Variants in PTPRC observed in about 807,000 individuals in gnomAD.
PTPRC encodes the protein protein tyrosine phosphatase receptor type C, also known as receptor-type tyrosine-protein phosphatase C.
PTPRC carries 44 observed loss-of-function variants against 155.9 expected under a neutral mutation model. The ratio of observed to expected loss-of-function variants is 0.28; its 90% CI spans 0.22 to 0.36. The LOEUF (loss-of-function observed/expected upper bound fraction) is 0.36. Among genes scored for constraint, PTPRC ranks in the 10% least tolerant of loss-of-function variants. The probability of loss-of-function intolerance (pLI) is 1.00; values close to 1 mark genes in which losing one functional copy is unlikely to be tolerated. For missense variants in PTPRC, 1,401 were observed against 1,564.6 expected (o/e 0.90, Z 1.76); for synonymous variants, 525 against 533.1 (o/e 0.98, Z 0.21).
At chr1:198,712,908 A>G (rs1653385890) in intron 11 of PTPRC, 45 bp from the exon 12 acceptor site, 1 of 1,562,064 alleles carries the variant, frequency 6.4e-7, no homozygotes, top group Non-Finnish European at 8.8e-7. Context: ...TGCTTTATCC[A>G]TGTCTTATTT....
intron 12 of PTPRC, among the ~76,000 whole-genome samples, chr1:198,713,865 C>A (rs564472111): frequency 6.6e-6 from 1 of 152,132 alleles, no homozygotes; most frequent in Non-Finnish European, 1.5e-5. Flanking sequence ...ACCAGACATA[C>A]ACTTCAAAAC....
At chr1:198,655,729 A>G (rs796283797) in intron 2 of PTPRC, among the ~76,000 whole-genome samples, 3 of 152,178 alleles carry the variant, frequency 2.0e-5, no homozygotes, top group African/African-American at 7.2e-5. Context: ...TAGGATGTTT[A>G]GCAACATTCC....
At chr1:198,646,050 C>T (rs1662921322) in intron 2 of PTPRC, among the ~76,000 whole-genome samples, 1 of 151,780 alleles carries the variant, frequency 6.6e-6, no homozygotes, top group East Asian at 1.9e-4. Flanking sequence ...TGTTTTGGCT[C>T]AACTTTTATG....
At position 198,699,710 on chromosome 1, in the gene PTPRC, C is replaced by A. The variant is rs368352554; in HGVS notation, c.439+6C>A. ...AGGCAGCAATGCTATCTCAGGTTTG[C>A]GGGTCCTTTAGACTTGTGCAAATAT... is the stretch of plus-strand genomic sequence containing the variant. On this transcript the variant is annotated splice_donor_region_variant and intron_variant, in intron 5 of 32. Coordinates refer to ENST00000442510, the MANE Select transcript of PTPRC (RefSeq NM_002838.5). 6.2e-7 allele frequency: 1 copy of A among 1,614,108 alleles called. No individual in the cohort carries two copies. Among genetic ancestry groups the A allele is most frequent in the Non-Finnish European group, 8.5e-7 (1 of 1,180,004 alleles).
intron 15 of PTPRC, among the ~76,000 whole-genome samples, chr1:198,727,828 A>C (rs867527556): frequency 1.3e-5 from 2 of 152,288 alleles, no homozygotes; most frequent in South Asian, 4.1e-4. Context: ...TATCCTAACT[A>C]TAGAATGAAA....
chr1:198,732,647 AT>A, intron 20 of PTPRC, 91 bp downstream of exon 20: 1 of 1,045,458 alleles, frequency 9.6e-7, no homozygotes, highest in Non-Finnish European at 1.4e-6. Context: ...TATTAAAAAT[AT>A]TTTGAAGTGA....
rs1192836924 is a variant in PTPRC, at chr1:198,735,072, T to TA, written c.2278-49dup. On this transcript the variant is annotated intron_variant, in intron 22 of 32. Coordinates refer to ENST00000442510, the MANE Select transcript of PTPRC (RefSeq NM_002838.5). ...TTTTCACTGTTTAAAGAAAGTTTGA[T>TA]AAAAAATTGGCTTAAATTAAAAATT... 18 of 1,447,252 alleles carry TA rather than the reference T, an allele frequency of 1.2e-5. No individual in the cohort carries two copies. The East Asian group carries it at 3.3e-4, about 26-fold the overall frequency. 89.7% of individuals were successfully genotyped at this position (1,447,252 alleles called of 1,614,324 possible). A position where few individuals can be genotyped will look rare whatever the true frequency, so the allele number is the denominator to read the frequency against.
At chr1:198,692,212 TA>T in intron 2 of PTPRC, 134 bp from the exon 3 acceptor site, 1 of 554,006 alleles carries the variant, frequency 1.8e-6, no homozygotes, top group Non-Finnish European at 3.1e-6. Flanking sequence ...TTCATTAGGG[TA>T]AAAGCTACTG....
chr1:198,686,789 A>G (rs1156240238), intron 2 of PTPRC, among the ~76,000 whole-genome samples: 1 of 152,206 alleles, frequency 6.6e-6, no homozygotes, highest in Non-Finnish European at 1.5e-5. Context: ...TCCCAGATCT[A>G]TTTGACTCCA....
intron 2 of PTPRC, among the ~76,000 whole-genome samples, chr1:198,655,936 G>A (rs971372807): frequency 2.0e-5 from 3 of 152,030 alleles, no homozygotes; most frequent in Non-Finnish European, 4.4e-5. Context: ...TTCTAGACCA[G>A]TTGGTTAAAC....
chr1:198,645,754 T>C (rs546291115), intron 2 of PTPRC, among the ~76,000 whole-genome samples: 3 of 151,948 alleles, frequency 2.0e-5, no homozygotes, highest in South Asian at 4.1e-4. Context: ...TAATCCCTTA[T>C]AGGCCTTTGA....
intron 26 of PTPRC, among the ~76,000 whole-genome samples, chr1:198,747,570 A>C (rs1350701985): frequency 1.3e-5 from 2 of 151,894 alleles, no homozygotes; most frequent in Non-Finnish European, 2.9e-5. Context: ...AAATGAAGGC[A>C]GACTGGATTA....
At chr1:198,739,515 C>T (rs1470319040) in intron 23 of PTPRC, among the ~76,000 whole-genome samples, 1 of 151,720 alleles carries the variant, frequency 6.6e-6, no homozygotes, top group African/African-American at 2.4e-5. Context: ...GGAGTCAATT[C>T]AGCAAGAGGA....
At position 198,639,279 on chromosome 1, in the gene PTPRC, A is replaced by G. The variant is rs773900940; in HGVS notation, c.11A>G (p.Tyr4Cys). 3 of 1,613,396 alleles carry G rather than the reference A, an allele frequency of 1.9e-6. No individual in the cohort carries two copies. The South Asian group carries it at 3.3e-5, about 18-fold the overall frequency. MTM[Y>C]LWLKLLAFGF... The stretch of plus-strand genomic sequence containing the variant: ...GGCTGACTTCCAGATATGACCATGT[A>G]TTTGTGGCTTAAACTCTTGGCATTT... Residue 4 changes from tyrosine to cysteine, a missense_variant, in exon 2 of 33, where the codon TAT (tyrosine) becomes TGT (cysteine). Tyr to Cys is a radical substitution (Grantham distance 194). This residue lies in a region of PTPRC where 867 missense variants were observed against 970.4 expected (regional missense o/e 0.89). Transcript: ENST00000442510.
At chr1:198,690,500 T>G (rs907822027) in intron 2 of PTPRC, among the ~76,000 whole-genome samples, 1 of 151,654 alleles carries the variant, frequency 6.6e-6, no homozygotes, top group Admixed American at 6.6e-5. Flanking sequence ...AAAAGAGAAA[T>G]GTAATGAGAA....
chr1:198,652,825 G>T (rs1358575659), intron 2 of PTPRC, among the ~76,000 whole-genome samples: 1 of 151,702 alleles, frequency 6.6e-6, no homozygotes, highest in East Asian at 1.9e-4. Context: ...TGAAATAAAA[G>T]ATTTTCCCTT....
Position 198,755,906 on chromosome 1 carries a change from G to T in PTPRC, c.3646G>T (p.Glu1216Ter). The stretch of plus-strand genomic sequence containing the variant: ...ATTTCCCACTTAATTCCTTTACTAG[G>T]AGCAATATCAATTCCTATATGACGT... ...KARPGMVSTFEQYQFLYDVIA... is the reference protein window; with the variant it reads ...KARPGMVSTF The change falls in exon 33 of 33, where the codon GAG becomes TAG. Residue 1216 changes from glutamate to a stop codon, truncating the protein, a stop_gained and splice_region_variant. Coordinates refer to ENST00000442510, the MANE Select transcript of PTPRC (RefSeq NM_002838.5). LOFTEE classifies it low-confidence loss of function (END_TRUNC). The T allele has an allele frequency of 6.2e-7, 1 of 1,608,250 alleles. No homozygotes were observed. Among genetic ancestry groups the T allele is most frequent in the South Asian group, 1.1e-5 (1 of 90,762 alleles).
intron 2 of PTPRC, among the ~76,000 whole-genome samples, chr1:198,668,657 A>T (rs183448191): frequency 3.1e-4 from 47 of 152,346 alleles, no homozygotes; most frequent in African/African-American, 1.1e-3. Context: ...CTAATTACAT[A>T]GTTTATAGAA....
chr1:198,735,948 G>A (rs535512976), intron 23 of PTPRC, among the ~76,000 whole-genome samples: 3 of 151,730 alleles, frequency 2.0e-5, no homozygotes, highest in East Asian at 3.9e-4. Context: ...GTACTATTTA[G>A]TGAATGTAAT....
Sources: gnomAD v4.1 joint callset for allele counts (sites outside exome capture counted in the v4.1 genomes callset) on GRCh38, gnomAD v4.1.1 for gene constraint, gnomAD v4.1.1 regional missense constraint, MANE v1.5 for transcripts, NCBI Gene and HGNC (gene_info 2026-07-23, HGNC 2026-07-21) for gene names.